Variants in SMCHD1 observed in about 807,000 individuals in gnomAD.
The protein encoded by SMCHD1 is structural maintenance of chromosomes flexible hinge domain-containing protein 1.
Under a neutral mutation model 254.7 loss-of-function variants are expected in SMCHD1, and 78 were observed. The observed-to-expected ratio is 0.31, with a 90% CI of 0.26 to 0.37. The LOEUF (loss-of-function observed/expected upper bound fraction) is 0.37, where lower values mean the gene tolerates loss of function less well. SMCHD1 is among the 10% of genes least tolerant of loss of function. The pLI is 1.00. For synonymous variants in SMCHD1, 766 were observed against 794.9 expected (o/e 0.96, Z 0.61); for missense variants, 1,840 against 2,408.1 (o/e 0.76, Z 4.94).
intron 12 of SMCHD1, among the ~76,000 whole-genome samples, chr18:2,701,785 A>G (rs1005878367): frequency 6.6e-5 from 10 of 152,160 alleles, no homozygotes; most frequent in African/African-American, 2.2e-4. Flanking sequence ...GAGACTTTTG[A>G]TACTACTCTT....
chr18:2,716,438 C>T (rs2074801360), intron 17 of SMCHD1, among the ~76,000 whole-genome samples: 1 of 152,178 alleles, frequency 6.6e-6, no homozygotes, highest in East Asian at 1.9e-4. Flanking sequence ...TTATGGGTTA[C>T]CTTTGTTAAC....
At chr18:2,725,033 T>C in intron 21 of SMCHD1, 38 bp downstream of exon 21, 1 of 1,181,892 alleles carries the variant, frequency 8.5e-7, no homozygotes, top group Non-Finnish European at 1.2e-6. Context: ...ACTTGTTAAG[T>C]ATTTATTTAT....
intron 28 of SMCHD1, among the ~76,000 whole-genome samples, chr18:2,741,220 A>C (rs564881851): frequency 6.6e-6 from 1 of 152,328 alleles, no homozygotes; most frequent in African/African-American, 2.4e-5. Flanking sequence ...AAGGTTTGCA[A>C]CTGTGCACTT....
chr18:2,665,247 T>G lies in SMCHD1; in HGVS notation c.187-910T>G, dbSNP rs74506003. ...ATTGGTCATTTGTATTTTCTCCTTT[T>G]CATTTTTTTGTGTTTTTACTTTTTC... is the stretch of plus-strand genomic sequence containing the variant. On this transcript the variant is annotated intron_variant, in intron 1 of 47. Coordinates refer to ENST00000320876, the MANE Select transcript of SMCHD1 (RefSeq NM_015295.3). Among the ~76,000 whole-genome samples the G allele has an allele frequency of 4.5e-3, 682 of 152,296 alleles. 6 individuals carry two copies. The highest frequency in any genetic ancestry group is 0.015 in the African/African-American group (626 of 41,562).
chr18:2,729,261 C>A lies in SMCHD1; in HGVS notation c.2914-14C>A. On this transcript the variant is annotated splice_polypyrimidine_tract_variant and intron_variant, in intron 23 of 47. Coordinates refer to ENST00000320876, the MANE Select transcript of SMCHD1 (RefSeq NM_015295.3). Reference sequence around the variant, plus strand: ...TTAATAGGGGTCTTACATTATTTTTCATCTTTCAAATAGTTTTCAGGTGCT... The same window carrying A: ...TTAATAGGGGTCTTACATTATTTTTAATCTTTCAAATAGTTTTCAGGTGCT... 1 of 1,433,528 alleles carries A rather than the reference C, an allele frequency of 7.0e-7. No homozygotes were observed. Among genetic ancestry groups the A allele is most frequent in the Admixed American group, 3.2e-5 (1 of 31,650 alleles). The allele number at this position is 1,433,528 out of a possible 1,614,324, so 88.8% of individuals were successfully genotyped here. A position where few individuals can be genotyped will look rare whatever the true frequency, so the allele number is the denominator to read the frequency against.
chr18:2,782,670 A>G (rs1333681378), intron 44 of SMCHD1, among the ~76,000 whole-genome samples: 1 of 144,992 alleles, frequency 6.9e-6, no homozygotes, highest in Non-Finnish European at 1.5e-5. Context: ...GTTTGAGCCC[A>G]GAAGTTGGAA....
intron 23 of SMCHD1, 41 bp from the exon 24 acceptor site, chr18:2,729,234 A>G (rs761638007): frequency 1.2e-5 from 16 of 1,374,580 alleles, no homozygotes; most frequent in African/African-American, 1.5e-5. Flanking sequence ...AATCAAATAT[A>G]TTTAATAGGG....
At chr18:2,791,938 C>A (rs552034353) in intron 45 of SMCHD1, among the ~76,000 whole-genome samples, 4 of 152,146 alleles carry the variant, frequency 2.6e-5, no homozygotes, top group Admixed American at 2.6e-4. Flanking sequence ...AAAGAAACAC[C>A]CTGAAGAGGA....
chr18:2,790,835 T>C (rs1024850239), intron 45 of SMCHD1, among the ~76,000 whole-genome samples: 3 of 152,098 alleles, frequency 2.0e-5, no homozygotes, highest in African/African-American at 7.2e-5. Flanking sequence ...AATATTAAGA[T>C]GAGGGATATC....
intron 44 of SMCHD1, among the ~76,000 whole-genome samples, chr18:2,781,031 G>A (rs1051481729): frequency 1.3e-5 from 2 of 152,242 alleles, no homozygotes; most frequent in Non-Finnish European, 2.9e-5. Context: ...TTTGCAGTGA[G>A]AACGTTTGCC....
intron 35 of SMCHD1, among the ~76,000 whole-genome samples, chr18:2,761,427 TAATG>T (rs2075781603): frequency 6.6e-6 from 1 of 152,280 alleles, no homozygotes; most frequent in Non-Finnish European, 1.5e-5. Flanking sequence ...ATTTTTAAAA[TAATG>T]AAAGTTGGAA....
In SMCHD1 at chr18:2,718,392, G is replaced by A; in HGVS notation, c.2416G>A (p.Gly806Arg). Residue 806 changes from glycine (G) to arginine (R), a missense_variant, in exon 19 of 48, where the codon GGA becomes AGA. Physicochemically the swap from Gly to Arg is moderately radical, Grantham distance 125. Transcript: ENST00000320876. This position sits in a 1 kb window ranked among gnomAD's most constrained non-coding sequence, Gnocchi z 4.6. ...LNESNADTYAGRPLPSKAIKF... is the reference protein window; with the variant it reads ...LNESNADTYARRPLPSKAIKF... ...TGAAAGTAATGCAGACACTTATGCA[G>A]GAAGACCACTACCATCTAAAGCAAT... 6.2e-7 allele frequency: 1 copy of A among 1,612,592 alleles called. No homozygotes were observed. The highest frequency in any genetic ancestry group is 1.1e-5 in the South Asian group (1 of 90,828).
chr18:2,759,887 A>G (rs980850389), intron 34 of SMCHD1, among the ~76,000 whole-genome samples: 1 of 152,160 alleles, frequency 6.6e-6, no homozygotes, highest in Non-Finnish European at 1.5e-5. Flanking sequence ...AATTCTCAAT[A>G]TAACTTTCTT....
At chr18:2,754,164 G>C (rs111406836) in intron 34 of SMCHD1, among the ~76,000 whole-genome samples, 131 of 152,176 alleles carry the variant, frequency 8.6e-4, no homozygotes, top group African/African-American at 3.1e-3. Context: ...TTTTATATAA[G>C]CAAATGTGTT....
chr18:2,756,649 G>T (rs902424678), intron 34 of SMCHD1, among the ~76,000 whole-genome samples: 3 of 152,010 alleles, frequency 2.0e-5, no homozygotes, highest in Admixed American at 6.6e-5. Context: ...AGGCTGGAGT[G>T]CAGTGGCATG....
intron 39 of SMCHD1, among the ~76,000 whole-genome samples, chr18:2,770,636 T>G (rs529751882): frequency 6.6e-6 from 1 of 152,094 alleles, no homozygotes; most frequent in South Asian, 2.1e-4. Context: ...TGTTTTTTGT[T>G]TTTTTTTGAG....
chr18:2,793,674 A>AAAAAAAAAAAAAAAC (rs2076210954), intron 45 of SMCHD1, among the ~76,000 whole-genome samples: 1 of 151,166 alleles, frequency 6.6e-6, no homozygotes, highest in Non-Finnish European at 1.5e-5. Flanking sequence ...AAAAAAAAGA[A>AAAAAAAAAAAAAAAC]AGAAAACATT....
Position 2,795,948 on chromosome 18 carries a change from G to C in SMCHD1, c.5720-1G>C. On this transcript the variant is annotated splice_acceptor_variant, in intron 45 of 47. Transcript: ENST00000320876. LOFTEE classifies it high-confidence loss of function. ...ATCAAATGCATTTGGTTTCTTTACA[G>C]ATCTTCTTCAGCAGTATCGTTCTGC... 1 of 1,576,650 alleles carries C rather than the reference G, an allele frequency of 6.3e-7. No individual in the cohort carries two copies. The highest frequency in any genetic ancestry group is 8.6e-7 in the Non-Finnish European group (1 of 1,161,600).
At chr18:2,777,360 A>G (rs375861671) in intron 42 of SMCHD1, among the ~76,000 whole-genome samples, 6 of 152,166 alleles carry the variant, frequency 3.9e-5, no homozygotes, top group African/African-American at 7.2e-5. Flanking sequence ...ACTGGCTTCA[A>G]TTGCTCTTCC....
Sources: allele counts gnomAD v4.1 joint callset (sites outside exome capture counted in the v4.1 genomes callset), GRCh38; gene constraint gnomAD v4.1.1; non-coding constraint Gnocchi (gnomAD v3.1); transcripts MANE v1.5; gene names NCBI Gene and HGNC (gene_info 2026-07-23, HGNC 2026-07-21).